Variants in FANCM observed in about 807,000 individuals in gnomAD.
FANCM encodes Fanconi anemia group M protein.
In FANCM, 140 loss-of-function variants were observed where a neutral mutation model predicts 199.5. The observed-to-expected ratio is 0.70, with a 90% CI of 0.61 to 0.81. FANCM has a LOEUF of 0.81. Ranked by LOEUF, FANCM falls within the 30% of genes least tolerant of loss-of-function variation. The pLI is 0.00. For missense variants in FANCM, 2,410 were observed against 2,421.4 expected (o/e 1.00, Z 0.10); for synonymous variants, 840 against 836.8 (o/e 1.00, Z -0.07).
chr14:45,168,963 C>T (rs1452315683), intron 11 of FANCM, among the ~76,000 whole-genome samples: 1 of 151,390 alleles, frequency 6.6e-6, no homozygotes, highest in East Asian at 1.9e-4. Context: ...GTGTTGTCGC[C>T]CAGGCTGGAG....
intron 14 of FANCM, among the ~76,000 whole-genome samples, chr14:45,177,867 T>G (rs553788433): frequency 6.6e-6 from 1 of 152,274 alleles, no homozygotes; most frequent in South Asian, 2.1e-4. Context: ...TGCAGCAAAA[T>G]ATTTGAGAAA....
intron 12 of FANCM, among the ~76,000 whole-genome samples, 187 bp downstream of exon 12, chr14:45,170,933 A>G (rs951423162): frequency 1.9e-4 from 29 of 152,186 alleles, no homozygotes; most frequent in Middle Eastern, 3.2e-3. Context: ...GTCTAAGTTT[A>G]CAAAACTACT....
chr14:45,163,274 G>C (rs1290180134), intron 9 of FANCM, among the ~76,000 whole-genome samples: 2 of 152,132 alleles, frequency 1.3e-5, no homozygotes, highest in African/African-American at 4.8e-5. Flanking sequence ...TACCTCATAG[G>C]GTCGTTGGCA....
At chr14:45,187,658 T>C in intron 18 of FANCM, 123 bp from the exon 19 acceptor site, 1 of 600,140 alleles carries the variant, frequency 1.7e-6, no homozygotes, top group South Asian at 2.1e-5. Flanking sequence ...ATTTATTGTC[T>C]TTGTGTAAAA....
In FANCM at chr14:45,136,204, T is replaced by C; in HGVS notation, c.173T>C (p.Leu58Pro). The stretch of plus-strand genomic sequence containing the variant: ...CTGGAGTCGGACGATGATGTGTTGC[T>C]TGTCGCGGCGTACGAGGCTGAGCGG... ...AQLESDDDVL[L>P]VAAYEAERQL... Residue 58 changes from leucine (L) to proline (P), a missense_variant, in exon 1 of 23, where the codon CTT (leucine) becomes CCT (proline). Physicochemically the swap from Leu to Pro is moderately conservative, Grantham distance 98. Coordinates refer to ENST00000267430, the MANE Select transcript of FANCM (RefSeq NM_020937.4). 6.2e-7 allele frequency: 1 copy of C among 1,614,162 alleles called. No homozygotes were observed.
In FANCM at chr14:45,181,435, C is replaced by A; in HGVS notation, c.4228C>A (p.Gln1410Lys). ...TTTTAAAAAATAAATTATAGATGGA[C>A]AATTATTAACAAGTAACGAAAGTGA... The part of the protein sequence containing the change: ...HKSCHSVEDG[Q>K]LLTSNESEDD... Residue 1410 changes from glutamine (Q) to lysine (K), a missense_variant, in exon 15 of 23, where the codon CAA becomes AAA. By Grantham distance (53) the Gln-to-Lys change is moderately conservative. Transcript: ENST00000267430. The A allele has an allele frequency of 3.9e-6, 6 of 1,543,316 alleles. No individual in the cohort carries two copies. The highest frequency in any genetic ancestry group is 1.1e-5 in the South Asian group (1 of 88,910).
Position 45,148,977 on chromosome 14 carries a change from C to A in FANCM, c.900C>A (p.Ile300=), listed in dbSNP as rs1886629288. ...CGCTTGGTGAAGAACTTGCAGCCATCCAAAAGACCTATATCCAGGTAAACC... is the reference window on the plus strand; with the variant it reads ...CGCTTGGTGAAGAACTTGCAGCCATACAAAAGACCTATATCCAGGTAAACC... ...IVPLGEELAA[I]QKTYIQILES... The change falls in exon 4 of 23, where the codon ATC becomes ATA. Residue 300 remains isoleucine, a synonymous_variant. Transcript: ENST00000267430. 1.2e-6 allele frequency: 2 copies of A among 1,613,522 alleles called. No individual in the cohort carries two copies. The highest frequency in any genetic ancestry group is 1.7e-6 in the Non-Finnish European group (2 of 1,179,680).
At position 45,149,191 on chromosome 14, in the gene FANCM, A is replaced by G. The variant is rs1886644970; in HGVS notation, c.918+196A>G. On this transcript the variant is annotated intron_variant, in intron 4 of 22. Transcript: ENST00000267430. ...TACTAGCAAACTGTTATTGAAAGGGAAAATACAAAAGATGGGCCATTTGTA... is the reference window on the plus strand; with the variant it reads ...TACTAGCAAACTGTTATTGAAAGGGGAAATACAAAAGATGGGCCATTTGTA... Among the ~76,000 whole-genome samples the G allele has an allele frequency of 2.0e-5, 3 of 152,264 alleles. No homozygotes were observed. The East Asian group carries it at 5.8e-4, about 29-fold the overall frequency.
chr14:45,137,067 A>G lies in FANCM; in HGVS notation c.509-2A>G. On this transcript the variant is annotated splice_acceptor_variant, in intron 1 of 22. Coordinates refer to ENST00000267430, the MANE Select transcript of FANCM (RefSeq NM_020937.4). LOFTEE classifies it high-confidence loss of function. ...AATGTAGAATGTCACTTTTATTTTC[A>G]GGGTCTACACAAGCTTCCACCAGGA... The G allele has an allele frequency of 6.2e-7, 1 of 1,607,778 alleles. No individual in the cohort carries two copies. Among genetic ancestry groups the G allele is most frequent in the Non-Finnish European group, 8.5e-7 (1 of 1,174,788 alleles).
rs1199608395 is a variant in FANCM at position 45,159,226 on chromosome 14, C to T, written c.1527C>T (p.Val509=). The T allele has an allele frequency of 6.8e-6, 11 of 1,613,580 alleles. No individual in the cohort carries two copies. Among genetic ancestry groups the T allele is most frequent in the South Asian group, 3.3e-5 (3 of 91,028 alleles). The part of the protein sequence containing the change: ...HQPIIRVMTF[V]GHASGKSTKG... ...CAATTATTAGAGTAATGACTTTTGT[C>T]GGCCATGCCTCAGGGAAAAGCACGA... The change falls in exon 9 of 23, where the codon GTC becomes GTT. Residue 509 remains valine, a synonymous_variant. Coordinates refer to ENST00000267430, the MANE Select transcript of FANCM (RefSeq NM_020937.4).
At position 45,175,357 on chromosome 14, in the gene FANCM, A is replaced by T. The variant is rs1381081139; in HGVS notation, c.2603A>T (p.Lys868Ile). ...GAAATAAAAAAAGATCAGCTTAAAA[A>T]AGAAAATAATCACGGTATTATAGAT... ...SKEIKKDQLKKENNHGIIDSV... is the reference protein window; with the variant it reads ...SKEIKKDQLKIENNHGIIDSV... The change falls in exon 14 of 23, where the codon AAA becomes ATA. Residue 868 changes from lysine (K) to isoleucine (I), a missense_variant. Lys to Ile is a moderately radical substitution (Grantham distance 102). Transcript: ENST00000267430. The T allele has an allele frequency of 1.3e-6, 2 of 1,561,778 alleles. No individual in the cohort carries two copies. Among genetic ancestry groups the T allele is most frequent in the South Asian group, 1.2e-5 (1 of 83,438 alleles).
In FANCM at chr14:45,183,781, TA is replaced by T. The variant is rs754875258; in HGVS notation, c.4395del (p.Leu1465PhefsTer17). 1 of 1,606,696 alleles carries T rather than the reference TA, an allele frequency of 6.2e-7. No homozygotes were observed. The highest frequency in any genetic ancestry group is 8.5e-7 in the Non-Finnish European group (1 of 1,173,832). On this transcript the variant is annotated frameshift_variant, in exon 17 of 23. Transcript: ENST00000267430. LOFTEE classifies it high-confidence loss of function. ...KRRFPINRSE[L>X]SSSDESENFP... ...TTTGTCGAATTATTATAGTCAGAATTATCATCTAGTGATGAGAGTGAGAATT... is the reference window on the plus strand; with the variant it reads ...TTTGTCGAATTATTATAGTCAGAATTTCATCTAGTGATGAGAGTGAGAATT...
At chr14:45,178,950 G>A (rs1888882501) in intron 14 of FANCM, among the ~76,000 whole-genome samples, 1 of 152,158 alleles carries the variant, frequency 6.6e-6, no homozygotes, top group African/African-American at 2.4e-5. Context: ...TGTAATCCCA[G>A]CACTTTGGAA....
At position 45,166,962 on chromosome 14, in the gene FANCM, A is replaced by T; in HGVS notation, c.1801A>T (p.Ser601Cys). ...EGREERIYNQ[S>C]QSNKRSIYKA... ...TTTGTTTTTACAGATTTATAATCAGAGTCAGTCCAACAAAAGAAGTATATA... is the reference window on the plus strand; with the variant it reads ...TTTGTTTTTACAGATTTATAATCAGTGTCAGTCCAACAAAAGAAGTATATA... The change falls in exon 11 of 23, where the codon AGT becomes TGT. Residue 601 changes from serine (S) to cysteine (C), a missense_variant. Transcript: ENST00000267430. The T allele has an allele frequency of 1.9e-6, 3 of 1,538,964 alleles. No homozygotes were observed. The highest frequency in any genetic ancestry group is 2.7e-6 in the Non-Finnish European group (3 of 1,111,862).
At chr14:45,177,125 T>TC in intron 14 of FANCM, 149 bp downstream of exon 14, 1 of 609,838 alleles carries the variant, frequency 1.6e-6, no homozygotes, top group Non-Finnish European at 2.9e-6. Flanking sequence ...TTTCTTAAGA[T>TC]GATCTTACTA....
At chr14:45,185,468 A>G (rs1011212862) in intron 18 of FANCM, 95 bp downstream of exon 18, 43 of 708,980 alleles carry the variant, frequency 6.1e-5, no homozygotes, top group Non-Finnish European at 9.1e-5. Context: ...TAGACCTTAA[A>G]GGTAATTAAA....
intron 3 of FANCM, among the ~76,000 whole-genome samples, chr14:45,144,926 A>ATGTGCTGGGTTTAGCACATT (rs995947290): frequency 6.6e-6 from 1 of 151,876 alleles, no homozygotes. Context: ...CATCATTGCT[A>ATGTGCTGGGTTTAGCACATT]GAGATGTGCT....
intron 20 of FANCM, 49 bp from the exon 21 acceptor site, chr14:45,196,122 CA>C: frequency 6.2e-7 from 1 of 1,602,880 alleles, no homozygotes. Flanking sequence ...ACGTTTATGG[CA>C]TTTTTATGCA....
In FANCM at chr14:45,149,070, G is replaced by A. The variant is rs1042331982; in HGVS notation, c.918+75G>A. On this transcript the variant is annotated intron_variant, in intron 4 of 22. Transcript: ENST00000267430. ...GAATTATTTCAGCTAACAGGATTTG[G>A]ATGTGATAATATAGTTATCTTATTT... The A allele has an allele frequency of 2.6e-6, 3 of 1,167,254 alleles. No homozygotes were observed. The African/African-American group carries it at 4.6e-5, about 18-fold the overall frequency. 72.3% of individuals were successfully genotyped at this position (1,167,254 alleles called of 1,614,324 possible).
Sources: gnomAD v4.1 joint callset for allele counts (sites outside exome capture counted in the v4.1 genomes callset) on GRCh38, gnomAD v4.1.1 for gene constraint, MANE v1.5 for transcripts, NCBI Gene and HGNC (gene_info 2026-07-23, HGNC 2026-07-21) for gene names.